VIPAS39: variants seen among roughly 807,000 people sequenced by gnomAD.
The protein encoded by VIPAS39 is VPS33B interacting protein, apical-basolateral polarity regulator, spe-39 homolog.
Under a neutral mutation model 84.7 loss-of-function variants are expected in VIPAS39, and 63 were observed. That is an observed-to-expected ratio of 0.74 (90% CI 0.61 to 0.92). The LOEUF (loss-of-function observed/expected upper bound fraction) is 0.92, where lower values mean the gene tolerates loss of function less well. Among genes scored for constraint, VIPAS39 ranks in the 40% least tolerant of loss-of-function variants. The probability of loss-of-function intolerance (pLI) is 0.00; values close to 1 mark genes in which losing one functional copy is unlikely to be tolerated. For missense variants in VIPAS39, 499 were observed against 604.5 expected (o/e 0.83, Z 1.83); for synonymous variants, 192 against 216.5 (o/e 0.89, Z 0.99).
intron 13 of VIPAS39, 91 bp downstream of exon 13, chr14:77,435,753 G>C: frequency 7.3e-7 from 1 of 1,371,918 alleles, no homozygotes; most frequent in Non-Finnish European, 1.0e-6. Flanking sequence ...AGTAAGAAAT[G>C]ACCCACGTGC....
intron 3 of VIPAS39, among the ~76,000 whole-genome samples, chr14:77,451,552 T>C (rs1347999437): frequency 6.6e-6 from 1 of 152,320 alleles, no homozygotes; most frequent in South Asian, 2.1e-4. Flanking sequence ...CTTCAACATA[T>C]GAAAAGATGC....
chr14:77,434,538 A>G (rs2078574350), intron 14 of VIPAS39, among the ~76,000 whole-genome samples: 1 of 152,114 alleles, frequency 6.6e-6, no homozygotes, highest in African/African-American at 2.4e-5. Context: ...TGCTAATCCA[A>G]ATAAGGAGAA....
Position 77,449,771 on chromosome 14 carries a change from A to G in VIPAS39, c.344-19T>C. 6.2e-7 allele frequency: 1 copy of G among 1,614,138 alleles called. No individual in the cohort carries two copies. The highest frequency in any genetic ancestry group is 8.5e-7 in the Non-Finnish European group (1 of 1,179,998). On this transcript the variant is annotated intron_variant, in intron 4 of 19. Coordinates refer to ENST00000557658, the MANE Select transcript of VIPAS39 (RefSeq NM_001193315.2). ...GTTCTACCTAAAGGTAAAGAACACA[A>G]GAGGGAAAAGGTCAACAGTTTCAAT...
At chr14:77,440,699 C>G (rs539630584) in intron 11 of VIPAS39, among the ~76,000 whole-genome samples, 1 of 152,142 alleles carries the variant, frequency 6.6e-6, no homozygotes, top group Admixed American at 6.5e-5. Context: ...AGTCTGGGAT[C>G]TTGGAGGCGG....
chr14:77,450,801 C>T (rs964813473), intron 4 of VIPAS39, among the ~76,000 whole-genome samples: 2 of 152,202 alleles, frequency 1.3e-5, no homozygotes, highest in Non-Finnish European at 2.9e-5. Flanking sequence ...TGAGCCACCA[C>T]GCCTAGCCAG....
chr14:77,441,020 G>A (rs763265564), intron 11 of VIPAS39, 46 bp downstream of exon 11: 1 of 1,605,668 alleles, frequency 6.2e-7, no homozygotes, highest in East Asian at 2.2e-5. Context: ...GCCCAGCCTA[G>A]ATTTCTGTTA....
Position 77,444,246 on chromosome 14 carries a change from C to A in VIPAS39, c.597+3G>T. Reference sequence around the variant, plus strand: ...ACAAACAACAACAAATCCGACAACTCACTGCAGTAATGACGTTTCCATCAT... The same window carrying A: ...ACAAACAACAACAAATCCGACAACTAACTGCAGTAATGACGTTTCCATCAT... On this transcript the variant is annotated splice_donor_region_variant and intron_variant, in intron 8 of 19. Transcript: ENST00000557658. The A allele has an allele frequency of 6.2e-7, 1 of 1,612,976 alleles. No individual in the cohort carries two copies. The highest frequency in any genetic ancestry group is 1.1e-5 in the South Asian group (1 of 91,018).
chr14:77,444,316 G>T lies in VIPAS39; in HGVS notation c.530C>A (p.Ser177Tyr). ...TAGGAGTTGTAGTTTGTCCTGTAAG[G>T]AGCGGAATCTCTCTAGTGAGCAAAC... The part of the protein sequence containing the change: ...GKVCSLERFR[S>Y]LQDKLQLLEE... Residue 177 changes from serine to tyrosine, a missense_variant, in exon 8 of 20, where the codon TCC becomes TAC. Physicochemically the swap from Ser to Tyr is moderately radical, Grantham distance 144. Coordinates refer to ENST00000557658, the MANE Select transcript of VIPAS39 (RefSeq NM_001193315.2). The T allele has an allele frequency of 6.2e-7, 1 of 1,613,744 alleles. No homozygotes were observed. Among genetic ancestry groups the T allele is most frequent in the South Asian group, 1.1e-5 (1 of 91,056 alleles).
chr14:77,428,539 G>C (rs961955852), intron 18 of VIPAS39, 65 bp from the exon 19 acceptor site: 3 of 1,471,138 alleles, frequency 2.0e-6, no homozygotes, highest in Non-Finnish European at 2.8e-6. Context: ...TTTTGCCCAG[G>C]ATGGTCTCAA....
At chr14:77,451,166 C>T in intron 4 of VIPAS39, 21 bp downstream of exon 4, 4 of 1,614,148 alleles carry the variant, frequency 2.5e-6, no homozygotes, top group African/African-American at 1.3e-5. Flanking sequence ...CTTCCCTATC[C>T]ATTTAAGCAT....
At chr14:77,448,734 G>A (rs1342471094) in intron 6 of VIPAS39, among the ~76,000 whole-genome samples, 184 bp from the exon 7 acceptor site, 5 of 152,124 alleles carry the variant, frequency 3.3e-5, no homozygotes, top group Admixed American at 1.3e-4. Flanking sequence ...ACTAGAGCAG[G>A]GGCAATATAG....
Position 77,454,675 on chromosome 14 carries a change from C to CAAAA in VIPAS39, c.1-577_1-574dup, listed in dbSNP as rs529008875. ...GGCAACAAGAGCGAAACTCCGTCTC[C>CAAAA]AAAAAAAAAAAAAAAAAGTGTCAGA... On this transcript the variant is annotated intron_variant, in intron 1 of 19. Transcript: ENST00000557658. Among the ~76,000 whole-genome samples, 262 of 124,786 alleles carry CAAAA rather than the reference C, an allele frequency of 2.1e-3. 9 individuals are homozygous for CAAAA. The highest frequency in any genetic ancestry group is 5.6e-3 in the East Asian group (24 of 4,284). The allele number at this position is 124,786 out of a possible 152,430, so 81.9% of individuals were successfully genotyped here. A position where few individuals can be genotyped will look rare whatever the true frequency, so the allele number is the denominator to read the frequency against.
intron 7 of VIPAS39, among the ~76,000 whole-genome samples, chr14:77,446,976 TAA>T (rs1385328621): frequency 6.8e-6 from 1 of 147,410 alleles, no homozygotes; most frequent in African/African-American, 2.4e-5. Flanking sequence ...TATAAGATTA[TAA>T]GTTACATTTA....
intron 16 of VIPAS39, among the ~76,000 whole-genome samples, chr14:77,432,784 C>A (rs975581557): frequency 2.6e-5 from 4 of 151,998 alleles, no homozygotes; most frequent in African/African-American, 7.3e-5. Flanking sequence ...TGTAGTTATG[C>A]AGGATGAATA....
chr14:77,449,690 A>G, intron 5 of VIPAS39, 24 bp downstream of exon 5: 1 of 1,614,118 alleles, frequency 6.2e-7, no homozygotes. Flanking sequence ...TCCCACAGCA[A>G]TTAAAAGAGG....
At chr14:77,438,618 T>C (rs1215799009) in intron 11 of VIPAS39, among the ~76,000 whole-genome samples, 11 of 152,242 alleles carry the variant, frequency 7.2e-5, no homozygotes, top group Non-Finnish European at 1.6e-4. Context: ...TACCAAGCTT[T>C]ACCTTTAAGT....
chr14:77,443,527 T>A (rs1237139188), intron 8 of VIPAS39, among the ~76,000 whole-genome samples: 2 of 152,064 alleles, frequency 1.3e-5, no homozygotes, highest in Non-Finnish European at 2.9e-5. Flanking sequence ...GGCAGGGAGA[T>A]TACTTGAGCC....
rs926710451 is a variant in VIPAS39, at chr14:77,429,062, C to T, written c.1300G>A (p.Val434Met). The T allele has an allele frequency of 2.5e-6, 4 of 1,613,940 alleles. No individual in the cohort carries two copies. Among genetic ancestry groups the T allele is most frequent in the Middle Eastern group, 1.6e-4 (1 of 6,080 alleles). The change falls in exon 18 of 20, where the codon GTG becomes ATG. Residue 434 changes from valine (V) to methionine (M), a missense_variant. Coordinates refer to ENST00000557658, the MANE Select transcript of VIPAS39 (RefSeq NM_001193315.2). ...LQEYVNLVED[V>M]DTKLNLATKF... ...GTGGCTAAGTTCAACTTCGTGTCCA[C>T]ATCTTCCACCAGATTGACATACTCC...
intron 19 of VIPAS39, 123 bp from the exon 20 acceptor site, chr14:77,427,759 A>G (rs1158514279): frequency 7.6e-7 from 1 of 1,323,376 alleles, no homozygotes; most frequent in East Asian, 2.3e-5. Context: ...AAGTAGAATC[A>G]GATCAGGAGG....
Sources: allele counts gnomAD v4.1 joint callset (sites outside exome capture counted in the v4.1 genomes callset), GRCh38; gene constraint gnomAD v4.1.1; transcripts MANE v1.5; gene names NCBI Gene and HGNC (gene_info 2026-07-23, HGNC 2026-07-21).